The following GALNT2 variants were observed in gnomAD, a reference collection of about 807,000 sequenced individuals.
GALNT2 encodes the protein UDP-GalNAc:polypeptide N-acetylgalactosaminyltransferase 2.
In GALNT2, 31 loss-of-function variants were observed where a neutral mutation model predicts 81.4. The ratio of observed to expected loss-of-function variants is 0.38; its 90% confidence interval spans 0.29 to 0.51. The LOEUF is 0.51. Among genes scored for constraint, GALNT2 ranks in the 20% least tolerant of loss-of-function variants. GALNT2 has a pLI of 0.87. For missense variants in GALNT2, 629 were observed against 765.7 expected, an observed-to-expected ratio of 0.82 and a Z score of 2.11; for synonymous variants, 303 against 287.4, an observed-to-expected ratio of 1.05 and a Z score of -0.55.
At chr1:230,163,636 C>T (rs192192441) in intron 1 of GALNT2, among the ~76,000 whole-genome samples, 135 of 152,358 alleles carry the variant, frequency 8.9e-4, no homozygotes, top group Middle Eastern at 3.4e-3. Context: ...AATTTGCCTT[C>T]GAAGCCCGAG....
At chr1:230,156,225 G>A (rs1662248903) in intron 1 of GALNT2, among the ~76,000 whole-genome samples, 4 of 142,094 alleles carry the variant, frequency 2.8e-5, no homozygotes, top group South Asian at 2.4e-4. Flanking sequence ...GAGAGAGAGA[G>A]AGAGAGAAAG....
chr1:230,066,039 T>G (rs142001867), upstream of GALNT2, among the ~76,000 whole-genome samples: 1 of 152,184 alleles, frequency 6.6e-6, no homozygotes, highest in African/African-American at 2.4e-5. Context: ...GGGAGCTCAG[T>G]TGGAATTTGG....
chr1:230,249,950 A>G (rs760022266), intron 9 of GALNT2, among the ~76,000 whole-genome samples: 5 of 152,194 alleles, frequency 3.3e-5, no homozygotes, highest in Non-Finnish European at 1.5e-5. Flanking sequence ...TCTGTTGTCA[A>G]CCCCTTCCTG....
chr1:230,206,739 G>C (rs1572086773), intron 3 of GALNT2, among the ~76,000 whole-genome samples: 1 of 152,198 alleles, frequency 6.6e-6, no homozygotes, highest in South Asian at 2.1e-4. Flanking sequence ...AAGCAGTACA[G>C]GTGGAGGGTA....
chr1:230,144,593 G>A (rs911144706), intron 1 of GALNT2, among the ~76,000 whole-genome samples: 6 of 152,116 alleles, frequency 3.9e-5, no homozygotes, highest in Non-Finnish European at 8.8e-5. Flanking sequence ...TAGGTACCAA[G>A]CACCCACCAG....
intron 1 of GALNT2, among the ~76,000 whole-genome samples, chr1:230,076,389 G>C (rs140707765): frequency 1.3e-5 from 2 of 152,334 alleles, no homozygotes; most frequent in East Asian, 3.9e-4. Context: ...CTGGGTCCCT[G>C]TGCACCTTTT....
At chr1:230,125,030 CTTTA>C (rs1367596132) in intron 1 of GALNT2, among the ~76,000 whole-genome samples, 1 of 152,200 alleles carries the variant, frequency 6.6e-6, no homozygotes, top group Non-Finnish European at 1.5e-5. Context: ...TCAGATTTTG[CTTTA>C]TTTGTTGATG....
intron 1 of GALNT2, among the ~76,000 whole-genome samples, chr1:230,126,995 T>TGGC (rs1661203143): frequency 6.6e-6 from 1 of 152,212 alleles, no homozygotes; most frequent in Non-Finnish European, 1.5e-5. Flanking sequence ...TTCCTCTTCC[T>TGGC]GGTAGTGGGT....
intron 1 of GALNT2, among the ~76,000 whole-genome samples, chr1:230,081,992 C>T (rs1395228547): frequency 1.3e-5 from 2 of 152,220 alleles, no homozygotes; most frequent in African/African-American, 4.8e-5. Flanking sequence ...CTCTCCCTTC[C>T]TGCAGGTACT....
intron 1 of GALNT2, among the ~76,000 whole-genome samples, chr1:230,156,713 A>G (rs540729897): frequency 2.6e-5 from 4 of 152,280 alleles, no homozygotes; most frequent in African/African-American, 9.6e-5. Context: ...ACTCGGGGCC[A>G]TGGTAAGCAA....
chr1:230,262,813 C>A, intron 12 of GALNT2, 109 bp from the exon 13 acceptor site: 1 of 1,319,612 alleles, frequency 7.6e-7, no homozygotes, highest in Admixed American at 1.7e-5. Flanking sequence ...GCAGTCCACA[C>A]CACACCACCT....
At chr1:230,083,828 C>T (rs1231189630) in intron 1 of GALNT2, among the ~76,000 whole-genome samples, 1 of 152,100 alleles carries the variant, frequency 6.6e-6, no homozygotes, top group Non-Finnish European at 1.5e-5. Flanking sequence ...GTTGGAAATC[C>T]TGGTGGGCCT....
Position 230,281,817 on chromosome 1 carries a change from A to G in GALNT2, c.*2359A>G, listed in dbSNP as rs2102790023. The stretch of plus-strand genomic sequence containing the variant: ...ACTGCGGTTGCGTTAGTTTTTAATC[A>G]TCAGGACTATCTCACCCTCCCACTC... On this transcript the variant is annotated 3_prime_UTR_variant, in exon 16 of 16. Transcript: ENST00000366672. 1 of 152,718 alleles carries G rather than the reference A, an allele frequency of 6.5e-6. No individual in the cohort carries two copies. The highest frequency in any genetic ancestry group is 2.1e-4 in the South Asian group (1 of 4,830). 9.5% of individuals were successfully genotyped at this position (152,718 alleles called of 1,614,324 possible). A position where few individuals can be genotyped will look rare whatever the true frequency, so the allele number is the denominator to read the frequency against.
intron 11 of GALNT2, among the ~76,000 whole-genome samples, chr1:230,259,293 AGTACAAAATTT>A (rs2102757453): frequency 6.6e-6 from 1 of 152,374 alleles, no homozygotes; most frequent in African/African-American, 2.4e-5. Flanking sequence ...CCTAAGTCAA[AGTACAAAATTT>A]GTTTGTTTTA....
At chr1:230,270,282 A>G (rs1666133892) in intron 14 of GALNT2, among the ~76,000 whole-genome samples, 1 of 152,232 alleles carries the variant, frequency 6.6e-6, no homozygotes, top group Non-Finnish European at 1.5e-5. Context: ...ATCAGCACAT[A>G]CAATGTGATG....
In GALNT2 at chr1:230,262,995, C is replaced by T. The variant is rs574340854; in HGVS notation, c.1303C>T (p.Pro435Ser). 1.2e-6 allele frequency: 2 copies of T among 1,613,788 alleles called. No individual in the cohort carries two copies. The highest frequency in any genetic ancestry group is 2.7e-5 in the African/African-American group (2 of 75,042). ...CAAATGGTACCTTGAAAATGTCTAT[C>T]CAGAGTTAAGGTAAGTCCCCAGGGA... The part of the protein sequence containing the change: ...PFKWYLENVY[P>S]ELRVPDHQDI... Residue 435 changes from proline (P) to serine (S), a missense_variant, in exon 13 of 16, where the codon CCA (proline) becomes TCA (serine). By Grantham distance (74) the Pro-to-Ser change is moderately conservative. Transcript: ENST00000366672.
At chr1:230,191,990 C>T (rs985247243) in intron 2 of GALNT2, among the ~76,000 whole-genome samples, 2 of 152,222 alleles carry the variant, frequency 1.3e-5, no homozygotes, top group Admixed American at 6.5e-5. Context: ...GTCCACAGTT[C>T]CTTCTGAGTC....
At chr1:230,229,678 C>T (rs956038948) in intron 3 of GALNT2, among the ~76,000 whole-genome samples, 3 of 152,136 alleles carry the variant, frequency 2.0e-5, no homozygotes, top group African/African-American at 7.2e-5. Flanking sequence ...AAAGGGATGA[C>T]GTGTGGTGTG....
chr1:230,244,299 A>G (rs756302301), intron 7 of GALNT2, among the ~76,000 whole-genome samples: 6 of 152,024 alleles, frequency 3.9e-5, no homozygotes, highest in Non-Finnish European at 8.8e-5. Flanking sequence ...TGCACTTGTT[A>G]TCTCCGTTTG....
Sources: gnomAD v4.1 joint callset for allele counts (sites outside exome capture counted in the v4.1 genomes callset) on GRCh38, gnomAD v4.1.1 for gene constraint, MANE v1.5 for transcripts, NCBI Gene and HGNC (gene_info 2026-07-23, HGNC 2026-07-21) for gene names.